Variants in RNF212B observed in about 807,000 individuals in gnomAD.
RNF212B encodes the protein E3 ubiquitin-protein ligase RNF212B.
Under a neutral mutation model 55.5 loss-of-function variants are expected in RNF212B, and 52 were observed. The observed-to-expected ratio is 0.94, with a 90% CI of 0.75 to 1.18. The LOEUF is 1.18. Ranked by LOEUF, RNF212B falls within the 50% of genes most tolerant of loss-of-function variation. The pLI, the probability that RNF212B is intolerant of heterozygous loss-of-function variation, is 0.00. For synonymous variants in RNF212B, 99 were observed against 121.4 expected, an observed-to-expected ratio of 0.82 and a Z score of 1.21; for missense variants, 289 against 350.4, an observed-to-expected ratio of 0.82 and a Z score of 1.40.
chr14:23,203,187 C>T (rs1879487207), intron 2 of RNF212B, among the ~76,000 whole-genome samples: 1 of 151,826 alleles, frequency 6.6e-6, no homozygotes, highest in Admixed American at 6.6e-5. Flanking sequence ...ATTCTTATGC[C>T]TGTGTATCTT....
At chr14:23,221,546 G>T (rs1322486507) in intron 2 of RNF212B, among the ~76,000 whole-genome samples, 1 of 152,122 alleles carries the variant, frequency 6.6e-6, no homozygotes, top group African/African-American at 2.4e-5. Context: ...GTAATAGCTG[G>T]AGATATCAAC....
At chr14:23,208,529 T>C (rs2043502616) in intron 2 of RNF212B, among the ~76,000 whole-genome samples, 1 of 152,070 alleles carries the variant, frequency 6.6e-6, no homozygotes, top group Admixed American at 6.6e-5. Flanking sequence ...CTGAAAGTGC[T>C]CTTCCATGGC....
intron 4 of RNF212B, among the ~76,000 whole-genome samples, chr14:23,256,944 G>A (rs1884878804): frequency 6.6e-6 from 1 of 152,066 alleles, no homozygotes; most frequent in South Asian, 2.1e-4. Context: ...CACGAGGTCA[G>A]GAGTTCGAGA....
intron 2 of RNF212B, among the ~76,000 whole-genome samples, chr14:23,199,882 T>G (rs1341468289): frequency 6.6e-6 from 1 of 152,096 alleles, no homozygotes; most frequent in Non-Finnish European, 1.5e-5. Context: ...ACAGCTTAGT[T>G]TTCAGTGACT....
chr14:23,208,895 A>T (rs1210985605), intron 2 of RNF212B, among the ~76,000 whole-genome samples: 1 of 148,730 alleles, frequency 6.7e-6, no homozygotes, highest in Non-Finnish European at 1.5e-5. Context: ...AGTAGTTGGG[A>T]CTACAGGTGC....
intron 2 of RNF212B, among the ~76,000 whole-genome samples, chr14:23,211,414 T>A (rs1192776458): frequency 6.6e-6 from 1 of 152,140 alleles, no homozygotes; most frequent in Non-Finnish European, 1.5e-5. Flanking sequence ...GCTTCACTGG[T>A]AAGTTCTACC....
At chr14:23,250,077 A>G (rs1884291373) in intron 4 of RNF212B, among the ~76,000 whole-genome samples, 1 of 152,192 alleles carries the variant, frequency 6.6e-6, no homozygotes, top group African/African-American at 2.4e-5. Flanking sequence ...GTTATTACGT[A>G]AGGTTATTTA....
chr14:23,239,678 G>T (rs925085879), intron 1 of RNF212B, among the ~76,000 whole-genome samples: 1 of 151,574 alleles, frequency 6.6e-6, no homozygotes. Context: ...GAGTGCAATG[G>T]CACGGTCTCA....
At chr14:23,235,689 A>AT (rs1406665096), upstream of RNF212B, among the ~76,000 whole-genome samples, 1 of 152,214 alleles carries the variant, frequency 6.6e-6, no homozygotes, top group African/African-American at 2.4e-5. Context: ...AACAAAAGTG[A>AT]TTTTTTATAT....
intron 11 of RNF212B, among the ~76,000 whole-genome samples, chr14:23,266,497 C>T (rs562663632): frequency 7.7e-4 from 114 of 148,216 alleles, no homozygotes; most frequent in Non-Finnish European, 1.4e-3. Flanking sequence ...CCGCAACCTC[C>T]GCCTCCCAGG....
chr14:23,217,266 C>G lies in RNF212B; in HGVS notation c.-1-23079C>G, dbSNP rs1017685596. On this transcript the variant is annotated intron_variant, in intron 2 of 15. Coordinates refer to the RNF212B transcript ENST00000399910. ...AGTGGTGGCAGTGGTGGGGGGGGGG[C>G]TCCTCTGCCTGTGGAAAGGGGAGGG... is the stretch of plus-strand genomic sequence containing the variant. Among the ~76,000 whole-genome samples, 327 of 147,908 alleles carry G rather than the reference C, an allele frequency of 2.2e-3. 2 individuals are homozygous for G. The highest frequency in any genetic ancestry group is 8.1e-3 in the African/African-American group (310 of 38,082).
intron 2 of RNF212B, chr14:23,229,960 C>A: frequency 5.0e-6 from 1 of 201,258 alleles, no homozygotes; most frequent in South Asian, 9.5e-5. Context: ...TGCACAATTC[C>A]TTATAGATCC....
intron 1 of RNF212B, among the ~76,000 whole-genome samples, chr14:23,238,265 GT>G (rs35468129): frequency 3.3e-5 from 5 of 151,962 alleles, no homozygotes; most frequent in Non-Finnish European, 7.4e-5. Flanking sequence ...CTTTTCAGTG[GT>G]TTTTTAGACT....
At chr14:23,226,613 A>C (rs1473549731) in intron 2 of RNF212B, among the ~76,000 whole-genome samples, 1 of 152,076 alleles carries the variant, frequency 6.6e-6, no homozygotes, top group African/African-American at 2.4e-5. Flanking sequence ...CCTGGGTGAC[A>C]GAGCGAGACT....
At position 23,264,620 on chromosome 14, in the gene RNF212B, C is replaced by A; in HGVS notation, c.586-3C>A. 7.5e-7 allele frequency: 1 copy of A among 1,341,488 alleles called. No individual in the cohort carries two copies. The highest frequency in any genetic ancestry group is 9.6e-7 in the Non-Finnish European group (1 of 1,038,558). The allele number at this position is 1,341,488 out of a possible 1,614,324, so 83.1% of individuals were successfully genotyped here. On this transcript the variant is annotated splice_region_variant and splice_polypyrimidine_tract_variant and intron_variant, in intron 10 of 14. Transcript: ENST00000430154. Reference sequence around the variant, plus strand: ...TAATTGATGCTTATTATTTGTCTATCAGGGAGGCAGAGGTCTGCAGGGAAG... The same window carrying A: ...TAATTGATGCTTATTATTTGTCTATAAGGGAGGCAGAGGTCTGCAGGGAAG...
rs116104975 is a variant in RNF212B, at chr14:23,190,733, C to T, written c.-78-2592C>T. Among the ~76,000 whole-genome samples, 346 of 152,328 alleles carry T rather than the reference C, an allele frequency of 2.3e-3. 2 individuals are homozygous for T. The highest frequency in any genetic ancestry group is 7.9e-3 in the African/African-American group (327 of 41,582). Reference sequence around the variant, plus strand: ...CTACACGGCAGCCAGAATGATCCTTCGTAATCACAGATCAGGTCATGTCCC... The same window carrying T: ...CTACACGGCAGCCAGAATGATCCTTTGTAATCACAGATCAGGTCATGTCCC... On this transcript the variant is annotated intron_variant, in intron 1 of 15. Coordinates refer to the RNF212B transcript ENST00000399910.
chr14:23,203,468 T>C (rs889996421), intron 2 of RNF212B, among the ~76,000 whole-genome samples: 1 of 126,132 alleles, frequency 7.9e-6, no homozygotes, highest in African/African-American at 2.8e-5. Context: ...ATGGTAGTTC[T>C]ACTTTTAGTC....
At position 23,269,960 on chromosome 14, in the gene RNF212B, G is replaced by A; in HGVS notation, c.772G>A (p.Ala258Thr). The A allele has an allele frequency of 6.6e-7, 1 of 1,508,104 alleles. No homozygotes were observed. Among genetic ancestry groups the A allele is most frequent in the African/African-American group, 1.4e-5 (1 of 72,112 alleles). 93.4% of individuals were successfully genotyped at this position (1,508,104 alleles called of 1,614,324 possible). A position where few individuals can be genotyped will look rare whatever the true frequency, so the allele number is the denominator to read the frequency against. ...HTRVLTPNNF[A>T]QRESTTTLES... Reference sequence around the variant, plus strand: ...AAGAGTCCTCACCCCCAACAATTTTGGTAAGTTAAATAACATTTCCAAAGG... The same window carrying A: ...AAGAGTCCTCACCCCCAACAATTTTAGTAAGTTAAATAACATTTCCAAAGG... The change falls in exon 13 of 15, where the codon GCT becomes ACT. Residue 258 changes from alanine to threonine, a missense_variant and splice_region_variant. Coordinates refer to ENST00000430154, the MANE Select transcript of RNF212B (RefSeq NM_001282322.3).
intron 11 of RNF212B, among the ~76,000 whole-genome samples, chr14:23,265,101 G>C (rs1164255650): frequency 6.6e-6 from 1 of 152,162 alleles, no homozygotes; most frequent in East Asian, 1.9e-4. Flanking sequence ...GATTACAGGC[G>C]TGAGCCACTG....
Sources: gnomAD v4.1 joint callset for allele counts (sites outside exome capture counted in the v4.1 genomes callset) on GRCh38, gnomAD v4.1.1 for gene constraint, MANE v1.5 for transcripts, NCBI Gene and HGNC (gene_info 2026-07-23, HGNC 2026-07-21) for gene names.